The following ULK4 variants were observed in gnomAD, a reference collection of about 807,000 sequenced individuals.
ULK4 encodes the protein inactive serine/threonine-protein kinase ULK4.
ULK4 carries 133 observed loss-of-function variants against 160.6 expected under a neutral mutation model. That is an observed-to-expected ratio of 0.83 (90% confidence interval 0.72 to 0.96). ULK4 has a LOEUF of 0.96. ULK4 is among the 40% of genes least tolerant of loss of function. The pLI, the probability that ULK4 is intolerant of heterozygous loss-of-function variation, is 0.00. For synonymous variants in ULK4, 534 were observed against 539.8 expected, an observed-to-expected ratio of 0.99 and a Z score of 0.15; for missense variants, 1,580 against 1,499.5, an observed-to-expected ratio of 1.05 and a Z score of -0.89.
chr3:41,481,936 T>C (rs2084341172), intron 32 of ULK4, among the ~76,000 whole-genome samples: 1 of 152,174 alleles, frequency 6.6e-6, no homozygotes, highest in African/African-American at 2.4e-5. Context: ...CAAACCCTTG[T>C]AGTAGAGCAC....
chr3:41,431,790 TTTTC>T (rs1223985372), intron 34 of ULK4, among the ~76,000 whole-genome samples: 7 of 104,544 alleles, frequency 6.7e-5, no homozygotes, highest in Non-Finnish European at 1.2e-4. Flanking sequence ...TTCCTTTTTC[TTTTC>T]TTTTTTTTTT....
chr3:41,543,200 CTTCT>C (rs1378635774), intron 32 of ULK4, among the ~76,000 whole-genome samples: 26 of 151,976 alleles, frequency 1.7e-4, no homozygotes, highest in Admixed American at 1.3e-3. Context: ...TATAGTGGTG[CTTCT>C]TTCTGTGTCT....
chr3:41,727,096 C>A (rs2037678301), intron 22 of ULK4, among the ~76,000 whole-genome samples: 1 of 152,188 alleles, frequency 6.6e-6, no homozygotes, highest in African/African-American at 2.4e-5. Flanking sequence ...CCACAGGAAT[C>A]CTATGCGCAT....
chr3:41,764,255 T>C (rs1023533207), intron 21 of ULK4, among the ~76,000 whole-genome samples: 3 of 152,220 alleles, frequency 2.0e-5, no homozygotes, highest in African/African-American at 2.4e-5. Context: ...AACAAACATT[T>C]TGTTAAAAAC....
intron 32 of ULK4, among the ~76,000 whole-genome samples, chr3:41,517,136 T>C (rs1345079436): frequency 6.6e-6 from 1 of 152,218 alleles, no homozygotes; most frequent in Non-Finnish European, 1.5e-5. Flanking sequence ...TAATATCATA[T>C]GTCATTAGGG....
At chr3:41,819,569 C>G (rs2041078692) in intron 18 of ULK4, 63 bp from the exon 19 acceptor site, 2 of 1,429,836 alleles carry the variant, frequency 1.4e-6, no homozygotes, top group Middle Eastern at 1.8e-4. Flanking sequence ...TTAACCCATT[C>G]AAGCAAATGG....
intron 19 of ULK4, among the ~76,000 whole-genome samples, chr3:41,801,001 AAAG>A (rs2040442387): frequency 2.0e-5 from 3 of 152,222 alleles, no homozygotes; most frequent in South Asian, 4.1e-4. Flanking sequence ...CCAAGCAAGC[AAAG>A]AAGCCAAAAA....
rs557376177 is a variant in ULK4, at chr3:41,248,363, G to A, written c.3764+1126C>T. Among the ~76,000 whole-genome samples the A allele has an allele frequency of 7.2e-5, 11 of 152,324 alleles. No homozygotes were observed. In the East Asian group the frequency reaches 1.5e-3, roughly 21 times the overall value. The stretch of plus-strand genomic sequence containing the variant: ...ACTGTTCACACCTTACATGGCAGGG[G>A]CTCAGCAAGGTGTGAAGGGGCTTTT... On this transcript the variant is annotated intron_variant, in intron 36 of 36. Transcript: ENST00000301831.
intron 30 of ULK4, among the ~76,000 whole-genome samples, chr3:41,644,408 G>C (rs1316092716): frequency 1.3e-5 from 2 of 152,086 alleles, no homozygotes; most frequent in Non-Finnish European, 2.9e-5. Context: ...ATGAAGGGTT[G>C]TTGAATTTTG....
In ULK4 at chr3:41,754,370, C is replaced by G. The variant is rs756243749; in HGVS notation, c.2312G>C (p.Cys771Ser). 3 of 1,608,002 alleles carry G rather than the reference C, an allele frequency of 1.9e-6. No homozygotes were observed. Among genetic ancestry groups the G allele is most frequent in the Non-Finnish European group, 2.5e-6 (3 of 1,177,576 alleles). ...TCAGAGAAAATCTTACCTTGCTTGG[C>G]AACTGAGCAGCAACATCTCACGGTT... The part of the protein sequence containing the change: ...IYNREMLLLS[C>S]QARLVMYIER... The change falls in exon 22 of 37, where the codon TGC becomes TCC. Residue 771 changes from cysteine to serine, a missense_variant. Transcript: ENST00000301831.
intron 21 of ULK4, among the ~76,000 whole-genome samples, chr3:41,775,167 C>G (rs185177875): frequency 5.5e-4 from 82 of 149,810 alleles, no homozygotes; most frequent in Non-Finnish European, 2.9e-5. Flanking sequence ...CACATGTATA[C>G]ATATGTAACA....
intron 35 of ULK4, among the ~76,000 whole-genome samples, chr3:41,264,845 A>C (rs2079002331): frequency 6.6e-6 from 1 of 152,174 alleles, no homozygotes; most frequent in Non-Finnish European, 1.5e-5. Flanking sequence ...TTACAACTGG[A>C]GGAAAAAGTC....
chr3:41,344,738 G>A (rs575572671), intron 35 of ULK4, among the ~76,000 whole-genome samples: 5 of 118,896 alleles, frequency 4.2e-5, no homozygotes, highest in East Asian at 2.7e-4. Flanking sequence ...GGGTAACAGA[G>A]CAAGACTCTG....
At chr3:41,692,413 G>A (rs988599300) in intron 27 of ULK4, among the ~76,000 whole-genome samples, 2 of 150,418 alleles carry the variant, frequency 1.3e-5, no homozygotes, top group Non-Finnish European at 3.0e-5. Context: ...AATAGACAAT[G>A]AGTACCTTTT....
chr3:41,688,508 CTATT>C (rs1464602257), intron 27 of ULK4, among the ~76,000 whole-genome samples: 2 of 152,158 alleles, frequency 1.3e-5, no homozygotes, highest in Non-Finnish European at 2.9e-5. Context: ...TGCTATAACT[CTATT>C]CATACTATTT....
At chr3:41,941,838 C>T (rs1052450945) in intron 2 of ULK4, among the ~76,000 whole-genome samples, 5 of 150,886 alleles carry the variant, frequency 3.3e-5, no homozygotes, top group Admixed American at 2.0e-4. Context: ...ACCTGGTGAC[C>T]ATGTTTAAGG....
chr3:41,936,330 T>C (rs1699774961), intron 3 of ULK4, among the ~76,000 whole-genome samples: 1 of 152,228 alleles, frequency 6.6e-6, no homozygotes, highest in African/African-American at 2.4e-5. Flanking sequence ...AAGTACTGCA[T>C]GGCAAAAAAG....
At chr3:41,385,010 C>T (rs906802712) in intron 35 of ULK4, among the ~76,000 whole-genome samples, 1 of 152,002 alleles carries the variant, frequency 6.6e-6, no homozygotes, top group Admixed American at 6.6e-5. Context: ...CCCATGAGGG[C>T]ACCACTGCAT....
intron 4 of ULK4, among the ~76,000 whole-genome samples, chr3:41,935,390 C>A (rs1418336086): frequency 1.3e-5 from 2 of 151,930 alleles, no homozygotes; most frequent in African/African-American, 4.8e-5. Flanking sequence ...CCACGCCCAG[C>A]TAAATTTGTA....
Sources: allele counts gnomAD v4.1 joint callset (sites outside exome capture counted in the v4.1 genomes callset), GRCh38; gene constraint gnomAD v4.1.1; transcripts MANE v1.5; gene names NCBI Gene and HGNC (gene_info 2026-07-23, HGNC 2026-07-21).